The following CNTNAP5 variants were observed in gnomAD, a reference collection of about 807,000 sequenced individuals.
The protein encoded by CNTNAP5 is contactin associated protein family member 5.
In CNTNAP5, 72 loss-of-function variants were observed where a neutral mutation model predicts 150.2. That is an observed-to-expected ratio of 0.48 (90% confidence interval 0.40 to 0.58). CNTNAP5 has a LOEUF of 0.58. Ranked by LOEUF, CNTNAP5 falls within the 20% of genes least tolerant of loss-of-function variation. The probability of loss-of-function intolerance (pLI) is 0.00; values close to 1 mark genes in which losing one functional copy is unlikely to be tolerated. For missense variants in CNTNAP5, 1,636 were observed against 1,626.2 expected (o/e 1.01, Z -0.10); for synonymous variants, 672 against 619.8 (o/e 1.08, Z -1.25).
intron 3 of CNTNAP5, among the ~76,000 whole-genome samples, chr2:124,244,283 G>T (rs550504156): frequency 8.5e-4 from 129 of 152,162 alleles, no homozygotes; most frequent in African/African-American, 2.9e-3. Context: ...CAAAGGCAGG[G>T]ATCTCTTTAT....
chr2:124,168,127 A>T (rs1684848980), intron 1 of CNTNAP5, among the ~76,000 whole-genome samples: 1 of 152,172 alleles, frequency 6.6e-6, no homozygotes, highest in Non-Finnish European at 1.5e-5. Flanking sequence ...TTAACGTGAT[A>T]AATGGTTTCC....
At chr2:124,837,448 C>T (rs997147645) in intron 19 of CNTNAP5, among the ~76,000 whole-genome samples, 3 of 152,102 alleles carry the variant, frequency 2.0e-5, no homozygotes, top group African/African-American at 2.4e-5. Context: ...TAAATTCCAA[C>T]ATTGGCGAAA....
Position 124,770,424 on chromosome 2 carries a change from T to C in CNTNAP5, c.2534-2375T>C, listed in dbSNP as rs1406918264. Among the ~76,000 whole-genome samples, 8 of 152,246 alleles carry C rather than the reference T, an allele frequency of 5.3e-5. No homozygotes were observed. In the East Asian group the frequency reaches 1.5e-3, roughly 29 times the overall value. On this transcript the variant is annotated intron_variant, in intron 16 of 23. Coordinates refer to ENST00000682447, the MANE Select transcript of CNTNAP5 (RefSeq NM_001367498.1). ...CGAAACAGCAAGCCCTCCCCAAACA[T>C]GTGTTGTCTCAGTGGAATTTATTAT...
intron 19 of CNTNAP5, among the ~76,000 whole-genome samples, chr2:124,817,844 T>G (rs7597329): frequency 0.25 from 38,654 of 152,012 alleles, 6,161 homozygotes; most frequent in African/African-American, 0.45. Flanking sequence ...CAGTGGTGGG[T>G]GAATCTGGCC....
At chr2:124,665,659 G>A (rs1038614951) in intron 13 of CNTNAP5, among the ~76,000 whole-genome samples, 4 of 152,104 alleles carry the variant, frequency 2.6e-5, no homozygotes, top group Admixed American at 6.5e-5. Context: ...GGCCGAGACC[G>A]GCAGATCACA....
intron 14 of CNTNAP5, among the ~76,000 whole-genome samples, chr2:124,751,707 G>A (rs1326184598): frequency 6.6e-6 from 1 of 152,162 alleles, no homozygotes; most frequent in Non-Finnish European, 1.5e-5. Flanking sequence ...TTCTTGCCTT[G>A]TAAAATTCCC....
At chr2:124,036,223 C>A (rs1330944234) in intron 1 of CNTNAP5, among the ~76,000 whole-genome samples, 2 of 151,896 alleles carry the variant, frequency 1.3e-5, no homozygotes, top group African/African-American at 4.8e-5. Flanking sequence ...CGCGCCCGGC[C>A]TCCCAGGATG....
intron 1 of CNTNAP5, among the ~76,000 whole-genome samples, chr2:124,217,014 A>T (rs1437789968): frequency 6.6e-6 from 1 of 152,160 alleles, no homozygotes; most frequent in Non-Finnish European, 1.5e-5. Flanking sequence ...CAACAGTGTA[A>T]AAGTGTTCCT....
At chr2:124,535,096 T>C (rs766182310) in intron 10 of CNTNAP5, among the ~76,000 whole-genome samples, 1 of 152,030 alleles carries the variant, frequency 6.6e-6, no homozygotes, top group Non-Finnish European at 1.5e-5. Context: ...TCTATACATA[T>C]AAAAAAATGA....
intron 21 of CNTNAP5, among the ~76,000 whole-genome samples, chr2:124,893,639 T>C (rs1327281182): frequency 6.6e-6 from 1 of 152,056 alleles, no homozygotes; most frequent in East Asian, 1.9e-4. Flanking sequence ...TAGTATGAGA[T>C]AACCTGCTAC....
intron 21 of CNTNAP5, among the ~76,000 whole-genome samples, chr2:124,873,762 G>T (rs1360630439): frequency 6.6e-6 from 1 of 152,052 alleles, no homozygotes; most frequent in Admixed American, 6.6e-5. Context: ...TTTTAGAAAA[G>T]ATTGCTTTGT....
At chr2:124,864,742 C>A (rs374142268) in intron 19 of CNTNAP5, among the ~76,000 whole-genome samples, 14 of 152,244 alleles carry the variant, frequency 9.2e-5, no homozygotes, top group African/African-American at 3.4e-4. Context: ...GTTTGAAAAA[C>A]GCAGTCCTAA....
intron 13 of CNTNAP5, among the ~76,000 whole-genome samples, chr2:124,658,628 A>T (rs1001552787): frequency 6.6e-6 from 1 of 152,222 alleles, no homozygotes; most frequent in African/African-American, 2.4e-5. Context: ...ACCGTGGCAT[A>T]GATTGTGCAA....
chr2:124,460,071 C>A (rs1050261942), intron 6 of CNTNAP5, among the ~76,000 whole-genome samples: 1 of 152,128 alleles, frequency 6.6e-6, no homozygotes, highest in Non-Finnish European at 1.5e-5. Flanking sequence ...TGTTCTGATA[C>A]AGAAATCATC....
chr2:124,798,831 T>C (rs1286888816), intron 19 of CNTNAP5, among the ~76,000 whole-genome samples: 1 of 152,156 alleles, frequency 6.6e-6, no homozygotes, highest in Non-Finnish European at 1.5e-5. Flanking sequence ...CAAATTTCTT[T>C]TTTTCAGGCT....
chr2:124,445,830 AC>A (rs1362555562), intron 5 of CNTNAP5, among the ~76,000 whole-genome samples: 1 of 152,180 alleles, frequency 6.6e-6, no homozygotes, highest in Non-Finnish European at 1.5e-5. Context: ...ATATACACAA[AC>A]GTTAGTTCTA....
rs1359538082 is a variant in CNTNAP5 at position 124,846,104 on chromosome 2, C to A, written c.3218-19202C>A. Among the ~76,000 whole-genome samples, 4 of 151,836 alleles carry A rather than the reference C, an allele frequency of 2.6e-5. No homozygotes were observed. In the South Asian group the frequency reaches 8.3e-4, roughly 31 times the overall value. On this transcript the variant is annotated intron_variant, in intron 19 of 23. Transcript: ENST00000682447. ...TCCATGAGGTGTGACCTTAGATTGC[C>A]TATTTTTGCTCCTTTGGACTTTTTA...
intron 3 of CNTNAP5, among the ~76,000 whole-genome samples, chr2:124,383,077 G>A (rs953061381): frequency 1.3e-5 from 2 of 152,108 alleles, no homozygotes; most frequent in African/African-American, 4.8e-5. Flanking sequence ...TCCTCCAGGT[G>A]TCCCAGCTCC....
At chr2:124,419,990 T>TTCCTTC (rs1553466680) in intron 4 of CNTNAP5, among the ~76,000 whole-genome samples, 1 of 121,404 alleles carries the variant, frequency 8.2e-6, no homozygotes, top group African/African-American at 3.2e-5. Context: ...CTTTCTTTCT[T>TTCCTTC]TTTTTTTTTT....
Sources: allele counts gnomAD v4.1 joint callset (sites outside exome capture counted in the v4.1 genomes callset), GRCh38; gene constraint gnomAD v4.1.1; transcripts MANE v1.5; gene names NCBI Gene and HGNC (gene_info 2026-07-23, HGNC 2026-07-21).